NAV1: variants seen among roughly 807,000 people sequenced by gnomAD.
NAV1 encodes the protein pore membrane and/or filament interacting like protein 3.
Under a neutral mutation model 175.2 loss-of-function variants are expected in NAV1, and 18 were observed. The ratio of observed to expected loss-of-function variants is 0.10; its 90% CI spans 0.07 to 0.15. The LOEUF (loss-of-function observed/expected upper bound fraction) is 0.15. Ranked by LOEUF, NAV1 falls within the 10% of genes least tolerant of loss-of-function variation. The probability of loss-of-function intolerance (pLI) is 1.00; values close to 1 mark genes in which losing one functional copy is unlikely to be tolerated. For synonymous variants in NAV1, 897 were observed against 978.7 expected, an observed-to-expected ratio of 0.92 and a Z score of 1.56; for missense variants, 1,731 against 2,436.6, an observed-to-expected ratio of 0.71 and a Z score of 6.10.
chr1:201,811,749 T>C (rs1385055090), exon 25 of NAV1: 1 of 1,604,872 alleles, frequency 6.2e-7, no homozygotes, highest in East Asian at 2.2e-5. Context: ...CCTGCAAGTA[T>C]CATAAATGGT....
intron 3 of NAV1, among the ~76,000 whole-genome samples, chr1:201,769,802 T>G (rs143214568): frequency 1.8e-4 from 28 of 152,322 alleles, no homozygotes; most frequent in African/African-American, 6.5e-4. Context: ...ACCAGCCTAT[T>G]GTACCGCAGA....
intron 3 of NAV1, among the ~76,000 whole-genome samples, chr1:201,738,103 G>C (rs182806292): frequency 6.6e-6 from 1 of 151,958 alleles, no homozygotes; most frequent in Admixed American, 6.6e-5. Context: ...AGAGAGAACC[G>C]TCTGCCTTGC....
At chr1:201,668,912 A>G (rs1158264105) in intron 1 of NAV1, among the ~76,000 whole-genome samples, 1 of 152,074 alleles carries the variant, frequency 6.6e-6, no homozygotes, top group Non-Finnish European at 1.5e-5. Context: ...GAGCAGAGCC[A>G]TGGGCGGTGT....
At chr1:201,706,559 C>A (rs1201845401) in intron 1 of NAV1, among the ~76,000 whole-genome samples, 1 of 152,162 alleles carries the variant, frequency 6.6e-6, no homozygotes, top group Non-Finnish European at 1.5e-5. Flanking sequence ...GTTGTTCCCC[C>A]ACCACCACCC....
At chr1:201,715,165 CTTT>C (rs34382311) in intron 2 of NAV1, among the ~76,000 whole-genome samples, 11 of 133,922 alleles carry the variant, frequency 8.2e-5, no homozygotes, top group Non-Finnish European at 1.1e-4. Flanking sequence ...TTTTATGGCT[CTTT>C]TTTTTTTTTT....
At chr1:201,687,429 A>G (rs554010891) in intron 1 of NAV1, among the ~76,000 whole-genome samples, 1 of 152,324 alleles carries the variant, frequency 6.6e-6, no homozygotes, top group East Asian at 1.9e-4. Context: ...CGTAACCAAA[A>G]GGGACCAGGA....
intron 1 of NAV1, among the ~76,000 whole-genome samples, chr1:201,574,826 C>G (rs1666648613): frequency 6.6e-6 from 1 of 152,216 alleles, no homozygotes; most frequent in South Asian, 2.1e-4. Flanking sequence ...TTCAGTGTCT[C>G]AGGTGGAAGG....
rs200725995 is a variant in NAV1 at position 201,549,077 on chromosome 1, C to CTCTTTCTTTCTT, written c.-144+9792_-144+9803dup. Reference sequence around the variant, plus strand: ...CTTTAAATTCAGATATTCTAGTTTTCTCTTTCTTTCTTTCTTTCTTTCTTT... The same window carrying CTCTTTCTTTCTT: ...CTTTAAATTCAGATATTCTAGTTTTCTCTTTCTTTCTTTCTTTCTTTCTTTCTTTCTTTCTTT... On this transcript the variant is annotated intron_variant, in intron 1 of 33. Coordinates refer to the NAV1 transcript ENST00000685211. Among the ~76,000 whole-genome samples, 407 of 130,106 alleles carry CTCTTTCTTTCTT rather than the reference C, an allele frequency of 3.1e-3. 6 individuals are homozygous for CTCTTTCTTTCTT. Among genetic ancestry groups the CTCTTTCTTTCTT allele is most frequent in the East Asian group, 8.6e-3 (37 of 4,302 alleles). 85.4% of individuals were successfully genotyped at this position (130,106 alleles called of 152,430 possible). A position where few individuals can be genotyped will look rare whatever the true frequency, so the allele number is the denominator to read the frequency against.
chr1:201,742,796 C>T lies in NAV1; in HGVS notation c.1226+24041C>T, dbSNP rs540696658. ...ACAGCCAAGCCAATGAGCTGCTTCT[C>T]GTTAGAGGATTTTATGGGACTAGGC... On this transcript the variant is annotated intron_variant, in intron 3 of 29. Transcript: ENST00000367296. Among the ~76,000 whole-genome samples the T allele has an allele frequency of 2.0e-5, 3 of 152,226 alleles. No individual in the cohort carries two copies. In the South Asian group the frequency reaches 6.2e-4, roughly 32 times the overall value.
At chr1:201,786,639 G>A in intron 9 of NAV1, 62 bp downstream of exon 13, 4 of 1,513,452 alleles carry the variant, frequency 2.6e-6, no homozygotes, top group Non-Finnish European at 3.6e-6. Context: ...TGCAGGGTGA[G>A]GCAAGGCAGG....
intron 3 of NAV1, among the ~76,000 whole-genome samples, chr1:201,754,684 A>C (rs1558129154): frequency 6.6e-6 from 1 of 152,322 alleles, no homozygotes; most frequent in East Asian, 1.9e-4. Context: ...CAGCAGGATC[A>C]AACTAGACAT....
exon 1 of NAV1, chr1:201,648,382 C>A: frequency 8.2e-7 from 1 of 1,226,710 alleles, no homozygotes; most frequent in African/African-American, 1.6e-5. Flanking sequence ...TGTATTTTCC[C>A]CGCCGCCCCG....
rs1388094060 is a variant in NAV1 at position 201,694,260 on chromosome 1, A to T, written c.758-18557A>T. ...ACTCCCCCAGTTGGGGTGTAGAGGC[A>T]TAGGGGAAGTCAAAGCAATGGCTGG... is the stretch of plus-strand genomic sequence containing the variant. On this transcript the variant is annotated intron_variant, in intron 1 of 29. Transcript: ENST00000367296. The surrounding 1 kb of genome is among the most constrained non-coding windows in gnomAD (Gnocchi z 4.2). Among the ~76,000 whole-genome samples, 1 of 152,116 alleles carries T rather than the reference A, an allele frequency of 6.6e-6. No individual in the cohort carries two copies. Among genetic ancestry groups the T allele is most frequent in the African/African-American group, 2.4e-5 (1 of 41,416 alleles).
chr1:201,629,942 G>A (rs74730149), intron 2 of NAV1, among the ~76,000 whole-genome samples: 1,937 of 152,236 alleles, frequency 0.013, 36 homozygotes, highest in African/African-American at 0.044. Flanking sequence ...TCCCACACAT[G>A]TCCCCTTCCC....
At chr1:201,631,179 C>T (rs575968822) in intron 2 of NAV1, among the ~76,000 whole-genome samples, 1 of 152,316 alleles carries the variant, frequency 6.6e-6, no homozygotes, top group East Asian at 1.9e-4. Flanking sequence ...CACTGCACTG[C>T]CTCTGCTCTG....
At chr1:201,720,060 C>T (rs549344516) in intron 3 of NAV1, among the ~76,000 whole-genome samples, 4 of 152,370 alleles carry the variant, frequency 2.6e-5, no homozygotes, top group African/African-American at 9.6e-5. Context: ...ACCTCGCGCT[C>T]ACGCTCAGAT....
intron 3 of NAV1, among the ~76,000 whole-genome samples, chr1:201,733,149 G>A (rs1056378691): frequency 2.6e-5 from 4 of 151,824 alleles, no homozygotes; most frequent in African/African-American, 9.7e-5. Context: ...TGGAGGCCAA[G>A]GCGGGCGGAT....
In NAV1 at chr1:201,776,791, G is replaced by A. The variant is rs573609963; in HGVS notation, c.1227-3630G>A. Among the ~76,000 whole-genome samples the A allele has an allele frequency of 7.0e-4, 106 of 152,048 alleles. 1 individual carries two copies. Among genetic ancestry groups the A allele is most frequent in the East Asian group, 9.7e-4 (5 of 5,168 alleles). ...AAGAGAAAATCATCAAAAAATTTTT[G>A]ATAAAATTTCTCAAAACTGAAGGTA... is the stretch of plus-strand genomic sequence containing the variant. On this transcript the variant is annotated intron_variant, in intron 3 of 29. Transcript: ENST00000367296.
intron 1 of NAV1, among the ~76,000 whole-genome samples, chr1:201,687,555 C>A (rs144947063): frequency 1.3e-5 from 2 of 152,308 alleles, no homozygotes; most frequent in African/African-American, 4.8e-5. Context: ...CTTTAATCTT[C>A]CTAATAGCCC....
Sources: gnomAD v4.1 joint callset for allele counts (sites outside exome capture counted in the v4.1 genomes callset) on GRCh38, gnomAD v4.1.1 for gene constraint, Gnocchi (gnomAD v3.1) non-coding constraint, MANE v1.5 for transcripts, NCBI Gene and HGNC (gene_info 2026-07-23, HGNC 2026-07-21) for gene names.